CTSH: variants seen among roughly 807,000 people sequenced by gnomAD.
CTSH encodes the protein pro-cathepsin H.
CTSH carries 52 observed loss-of-function variants against 56.3 expected under a neutral mutation model. The ratio of observed to expected loss-of-function variants is 0.92; its 90% CI spans 0.74 to 1.16. CTSH has a LOEUF of 1.16. Ranked by LOEUF, CTSH falls within the 50% of genes most tolerant of loss-of-function variation. The probability of loss-of-function intolerance (pLI) is 0.00; values close to 1 mark genes in which losing one functional copy is unlikely to be tolerated. For synonymous variants in CTSH, 174 were observed against 155.7 expected (o/e 1.12, Z -0.88); for missense variants, 406 against 424.5 (o/e 0.96, Z 0.38).
At chr15:78,934,871 G>A in intron 5 of CTSH, 107 bp downstream of exon 5, 1 of 775,494 alleles carries the variant, frequency 1.3e-6, no homozygotes, top group Non-Finnish European at 2.3e-6. Context: ...AACAGAGGCA[G>A]GGATGTGCTT....
chr15:78,931,486 G>GA lies in CTSH; in HGVS notation c.512_513insT (p.Cys172LeufsTer7). ...CGTGATTATTGAAGTCCTGGGCGCA[G>GA]TCCACCAGCTGCTGTTCCGCCTGGA... On this transcript the variant is annotated frameshift_variant, in exon 7 of 12. Transcript: ENST00000220166. LOFTEE classifies it high-confidence loss of function. 1.2e-6 allele frequency: 2 copies of GA among 1,614,242 alleles called. No individual in the cohort carries two copies. The highest frequency in any genetic ancestry group is 2.2e-5 in the South Asian group (2 of 91,088).
At chr15:78,936,285 G>A (rs1463928331) in intron 3 of CTSH, among the ~76,000 whole-genome samples, 2 of 148,786 alleles carry the variant, frequency 1.3e-5, no homozygotes, top group Non-Finnish European at 3.0e-5. Flanking sequence ...GGATTCAAGC[G>A]ATTCTCCTGC....
chr15:78,935,552 AATCTGGGGATACCCTCAGCTGC>A, intron 4 of CTSH, 106 bp downstream of exon 4: 2 of 725,190 alleles, frequency 2.8e-6, no homozygotes, highest in East Asian at 5.3e-5. Context: ...TCCCCCAAAG[AATCTGGGGATACCCTCAGCTGC>A]ATCTGGGGAT....
rs558247688 is a variant in CTSH at position 78,935,820 on chromosome 15, T to C, written c.230-70A>G. 29 of 1,116,414 alleles carry C rather than the reference T, an allele frequency of 2.6e-5. No homozygotes were observed. The East Asian group carries it at 6.0e-4, about 23-fold the overall frequency. 69.2% of individuals were successfully genotyped at this position (1,116,414 alleles called of 1,614,324 possible). ...TCACTAATGAAGAAACAAGAAAAAGTGATGAAACCTCCTGTTTACCTGTGT... is the reference window on the plus strand; with the variant it reads ...TCACTAATGAAGAAACAAGAAAAAGCGATGAAACCTCCTGTTTACCTGTGT... On this transcript the variant is annotated intron_variant, in intron 3 of 11. Coordinates refer to ENST00000220166, the MANE Select transcript of CTSH (RefSeq NM_004390.5).
chr15:78,934,509 G>A (rs893857539), intron 5 of CTSH, among the ~76,000 whole-genome samples: 3 of 152,200 alleles, frequency 2.0e-5, no homozygotes, highest in African/African-American at 7.2e-5. Context: ...CCACAGCAAG[G>A]GCCACGGAGG....
At chr15:78,928,045 CACTG>C (rs1314853605) in intron 8 of CTSH, among the ~76,000 whole-genome samples, 1 of 152,168 alleles carries the variant, frequency 6.6e-6, no homozygotes, top group African/African-American at 2.4e-5. Flanking sequence ...TGAGGAAACT[CACTG>C]AGAAGTGGAG....
At position 78,932,449 on chromosome 15, in the gene CTSH, C is replaced by T. The variant is rs766261285; in HGVS notation, c.415G>A (p.Gly139Ser). Reference protein sequence around the residue: ...VSPVKNQGACGSCWTFSTTGA... With the variant: ...VSPVKNQGACSSCWTFSTTGA... Reference sequence around the variant, plus strand: ...GTGGTGGAGAAAGTCCAGCAACTGCCGCAGGCACCCTGGAAAGGCCAGGGG... The same window carrying T: ...GTGGTGGAGAAAGTCCAGCAACTGCTGCAGGCACCCTGGAAAGGCCAGGGG... Residue 139 changes from glycine (G) to serine (S), a missense_variant, in exon 6 of 12, where the codon GGC becomes AGC. Physicochemically the swap from Gly to Ser is moderately conservative, Grantham distance 56 (BLOSUM62 0). Transcript: ENST00000220166. 2.7e-5 allele frequency: 43 copies of T among 1,613,800 alleles called. No individual in the cohort carries two copies. The South Asian group carries it at 3.2e-4, about 12-fold the overall frequency.
chr15:78,925,439 T>C lies in CTSH; in HGVS notation c.701A>G (p.Tyr234Cys). The C allele has an allele frequency of 1.2e-6, 2 of 1,610,002 alleles. No homozygotes were observed. The highest frequency in any genetic ancestry group is 1.7e-6 in the Non-Finnish European group (2 of 1,176,378). Residue 234 changes from tyrosine to cysteine, a missense_variant and splice_region_variant, in exon 10 of 12, where the codon TAT (tyrosine) becomes TGT (cysteine). Coordinates refer to ENST00000220166, the MANE Select transcript of CTSH (RefSeq NM_004390.5). The part of the protein sequence containing the change: ...FVKDVANITI[Y>C]DEEAMVEAVA... ...AGCCTCCACCATCGCTTCCTCGTCATACTGTGGAAACAGGACCGAGACAGA... is the reference window on the plus strand; with the variant it reads ...AGCCTCCACCATCGCTTCCTCGTCACACTGTGGAAACAGGACCGAGACAGA...
At chr15:78,927,335 GA>G (rs2054929475) in intron 9 of CTSH, 1 of 277,934 alleles carries the variant, frequency 3.6e-6, no homozygotes, top group Non-Finnish European at 6.9e-6. Flanking sequence ...TATTGCAACA[GA>G]ACCTGGCTCA....
Position 78,923,043 on chromosome 15 carries a change from G to A in CTSH, c.882C>T (p.Ile294=), listed in dbSNP as rs544122394. 1 of 1,613,442 alleles carries A rather than the reference G, an allele frequency of 6.2e-7. No individual in the cohort carries two copies. Among genetic ancestry groups the A allele is most frequent in the Admixed American group, 1.7e-5 (1 of 59,908 alleles). The part of the protein sequence containing the change: ...LAVGYGEKNG[I]PYWIVKNSWG... ...AAGAGTTTTTCACGATCCAGTAAGG[G>A]ATCCCATTTTTTTCTCCATACCCAA... Residue 294 remains isoleucine (I), a synonymous_variant, in exon 11 of 12, where the codon ATC becomes ATT. Transcript: ENST00000220166.
chr15:78,927,379 TCA>T (rs1479071740), intron 9 of CTSH: 1 of 361,016 alleles, frequency 2.8e-6, no homozygotes, highest in East Asian at 6.2e-5. Flanking sequence ...CTCCTCAGTT[TCA>T]CACACGCTGT....
At chr15:78,926,726 C>T (rs1005706524) in intron 9 of CTSH, 1 of 152,208 alleles carries the variant, frequency 6.6e-6, no homozygotes, top group Non-Finnish European at 1.5e-5. Flanking sequence ...CATCTATTTC[C>T]TAGCTCTGTG....
chr15:78,928,994 A>G, intron 8 of CTSH, among the ~76,000 whole-genome samples: 1 of 149,380 alleles, frequency 6.7e-6, no homozygotes, highest in African/African-American at 2.5e-5. Context: ...TGATGGTGGG[A>G]GGCCCAGCAG....
intron 9 of CTSH, 78 bp downstream of exon 9, chr15:78,927,635 C>T (rs1479006678): frequency 3.1e-6 from 4 of 1,301,002 alleles, no homozygotes; most frequent in Middle Eastern, 2.2e-4. Context: ...CTTGCTGGGC[C>T]CACTGGCTAT....
intron 7 of CTSH, among the ~76,000 whole-genome samples, chr15:78,931,242 G>T (rs2055053130): frequency 6.6e-6 from 1 of 152,200 alleles, no homozygotes; most frequent in Non-Finnish European, 1.5e-5. Context: ...AGAGAGGACA[G>T]AGGCCTGGAC....
chr15:78,939,448 C>T (rs967549054), intron 1 of CTSH, among the ~76,000 whole-genome samples: 2 of 152,164 alleles, frequency 1.3e-5, no homozygotes, highest in African/African-American at 4.8e-5. Flanking sequence ...AAAGCACTTC[C>T]GGGATGCTGC....
chr15:78,928,854 A>G (rs1056927643), intron 8 of CTSH, among the ~76,000 whole-genome samples: 1 of 152,118 alleles, frequency 6.6e-6, no homozygotes, highest in South Asian at 2.1e-4. Flanking sequence ...GACCGGCCCA[A>G]CAGGACTGTG....
chr15:78,929,305 C>T (rs536797467), intron 8 of CTSH, 107 bp downstream of exon 8: 33 of 843,714 alleles, frequency 3.9e-5, no homozygotes, highest in Middle Eastern at 2.3e-4. Flanking sequence ...GTGAGAATTC[C>T]GGCGGGAGGG....
rs368613509 is a variant in CTSH, at chr15:78,929,371, G to A, written c.630+41C>T. 2.8e-5 allele frequency: 42 copies of A among 1,480,166 alleles called. No homozygotes were observed. The African/African-American group carries it at 5.4e-4, about 19-fold the overall frequency. 91.7% of individuals were successfully genotyped at this position (1,480,166 alleles called of 1,614,324 possible). ...CTGGGGAGGGAGTGAAGCTAGGCAT[G>A]CTGTACGCCAAGAAGACAGAGTGGA... On this transcript the variant is annotated intron_variant, in intron 8 of 11. Coordinates refer to ENST00000220166, the MANE Select transcript of CTSH (RefSeq NM_004390.5).
Sources: allele counts gnomAD v4.1 joint callset (sites outside exome capture counted in the v4.1 genomes callset), GRCh38; gene constraint gnomAD v4.1.1; transcripts MANE v1.5; gene names NCBI Gene and HGNC (gene_info 2026-07-23, HGNC 2026-07-21).